RELN: variants seen among roughly 807,000 people sequenced by gnomAD.
RELN encodes reelin.
RELN carries 108 observed loss-of-function variants against 427.6 expected under a neutral mutation model. That is an observed-to-expected ratio of 0.25 (90% CI 0.22 to 0.30). RELN has a LOEUF of 0.30. RELN is among the 10% of genes least tolerant of loss of function. RELN has a pLI of 1.00. For synonymous variants in RELN, 1,524 were observed against 1,513.4 expected (o/e 1.01, Z -0.16); for missense variants, 3,715 against 4,302.8 (o/e 0.86, Z 3.82).
intron 4 of RELN, among the ~76,000 whole-genome samples, chr7:103,776,178 T>A (rs1394708106): frequency 1.3e-5 from 2 of 152,208 alleles, no homozygotes; most frequent in African/African-American, 4.8e-5. Context: ...TCATGTATAA[T>A]ATGATCAAAT....
rs1237046940 is a variant in RELN at position 103,611,660 on chromosome 7, T to G, written c.2846A>C (p.Lys949Thr). ...GCCGTGGTTGGTTGAGTACTCCAGC[T>G]TCACCTGGTTGTCCATGTGTGGGGT... ...KYTPHMDNQVKLEYSTNHGLT... is the reference protein window; with the variant it reads ...KYTPHMDNQVTLEYSTNHGLT... Residue 949 changes from lysine (K) to threonine (T), a missense_variant, in exon 21 of 65, where the codon AAG becomes ACG. Around this residue, in one of 4 missense-constraint regions of RELN, gnomAD observed 2,208 missense variants for 2,361.7 expected, o/e 0.93. Transcript: ENST00000428762. The G allele has an allele frequency of 6.2e-7, 1 of 1,613,894 alleles. No individual in the cohort carries two copies. Among genetic ancestry groups the G allele is most frequent in the Admixed American group, 1.7e-5 (1 of 59,988 alleles).
chr7:103,745,416 G>A (rs1285641490), intron 6 of RELN, among the ~76,000 whole-genome samples: 1 of 150,310 alleles, frequency 6.7e-6, no homozygotes, highest in African/African-American at 2.5e-5. Context: ...TTCTGGCCAG[G>A]GCAATTAGGC....
At chr7:103,488,598 C>G (rs1828529858) in intron 60 of RELN, among the ~76,000 whole-genome samples, 1 of 152,182 alleles carries the variant, frequency 6.6e-6, no homozygotes. Context: ...CTAAATAGAT[C>G]CGACTCCAGA....
Position 103,569,434 on chromosome 7 carries a change from A to G in RELN, c.4589-2675T>C, listed in dbSNP as rs898644670. On this transcript the variant is annotated intron_variant, in intron 31 of 64. Transcript: ENST00000428762. The surrounding 1 kb of genome is among the most constrained non-coding windows in gnomAD (Gnocchi z 4.0). Reference sequence around the variant, plus strand: ...TCCTGACTCACAGAAACTGTAAGATAACAAATATTTGATGTCTTAAGCTAC... The same window carrying G: ...TCCTGACTCACAGAAACTGTAAGATGACAAATATTTGATGTCTTAAGCTAC... 5.9e-5 allele frequency among the ~76,000 whole-genome samples: 9 copies of G among 152,244 alleles called. No individual in the cohort carries two copies. Among genetic ancestry groups the G allele is most frequent in the South Asian group, 2.1e-4 (1 of 4,828 alleles).
rs915520628 is a variant in RELN, at chr7:103,661,421, T to C, written c.1396A>G (p.Met466Val). The stretch of plus-strand genomic sequence containing the variant: ...AGGTTCCCATAACCGGTAGTGTCCA[T>C]GGATGGAGTGCATAATTTCCTCTCT... ...DGERKLCTPS[M>V]DTTGYGNLRF... Residue 466 changes from methionine to valine, a missense_variant, in exon 12 of 65, where the codon ATG becomes GTG. Transcript: ENST00000428762. 3 of 1,613,628 alleles carry C rather than the reference T, an allele frequency of 1.9e-6. No homozygotes were observed. Among genetic ancestry groups the C allele is most frequent in the South Asian group, 1.1e-5 (1 of 91,074 alleles).
intron 1 of RELN, among the ~76,000 whole-genome samples, chr7:103,984,489 T>C (rs1797057380): frequency 6.6e-6 from 1 of 152,162 alleles, no homozygotes; most frequent in South Asian, 2.1e-4. Flanking sequence ...CAAAATGAAA[T>C]ATTTTGAACT....
chr7:103,895,896 A>C (rs1324598998), intron 2 of RELN, among the ~76,000 whole-genome samples: 1 of 152,156 alleles, frequency 6.6e-6, no homozygotes, highest in Non-Finnish European at 1.5e-5. Flanking sequence ...TGGAGAAAAA[A>C]GAATAGGCAA....
rs150793108 is a variant in RELN, at chr7:103,550,773, C to T, written c.6302+294G>A. On this transcript the variant is annotated intron_variant, in intron 41 of 64. Coordinates refer to ENST00000428762, the MANE Select transcript of RELN (RefSeq NM_005045.4). Reference sequence around the variant, plus strand: ...CAGGTGGGAGTAGGCAGGAGGAACGCGTGGAAAACCTTATTTTTGTTGTGT... The same window carrying T: ...CAGGTGGGAGTAGGCAGGAGGAACGTGTGGAAAACCTTATTTTTGTTGTGT... 2.0e-3 allele frequency among the ~76,000 whole-genome samples: 306 copies of T among 152,024 alleles called. 2 individuals are homozygous for T. Among genetic ancestry groups the T allele is most frequent in the African/African-American group, 6.9e-3 (288 of 41,470 alleles).
chr7:103,524,867 T>C (rs1482920633), intron 46 of RELN, among the ~76,000 whole-genome samples: 4 of 152,130 alleles, frequency 2.6e-5, no homozygotes, highest in African/African-American at 9.7e-5. Flanking sequence ...CTTTGGCATG[T>C]TCCCCCAGCA....
At chr7:103,556,012 C>T (rs1830512813) in intron 38 of RELN, among the ~76,000 whole-genome samples, 1 of 152,142 alleles carries the variant, frequency 6.6e-6, no homozygotes, top group African/African-American at 2.4e-5. Flanking sequence ...TTGGTAAAGT[C>T]TGGTCCTTTA....
intron 2 of RELN, among the ~76,000 whole-genome samples, chr7:103,897,710 A>C (rs999450399): frequency 6.6e-6 from 1 of 152,072 alleles, no homozygotes; most frequent in Non-Finnish European, 1.5e-5. Context: ...TTCTGCACAC[A>C]GACTCCTTCA....
intron 51 of RELN, among the ~76,000 whole-genome samples, chr7:103,504,865 G>A (rs1252839622): frequency 6.6e-6 from 1 of 152,164 alleles, no homozygotes; most frequent in Non-Finnish European, 1.5e-5. Flanking sequence ...GTCTGAGGTC[G>A]AACTGGGATG....
chr7:103,970,348 T>C (rs1270891156), intron 1 of RELN, among the ~76,000 whole-genome samples: 1 of 152,142 alleles, frequency 6.6e-6, no homozygotes, highest in East Asian at 1.9e-4. Flanking sequence ...TTCACCACTT[T>C]GGCCAGGCTG....
At chr7:103,651,427 CA>C (rs1723616937) in intron 15 of RELN, among the ~76,000 whole-genome samples, 1 of 151,982 alleles carries the variant, frequency 6.6e-6, no homozygotes, top group Non-Finnish European at 1.5e-5. Flanking sequence ...TCATGCAGTC[CA>C]AAATATAAGT....
intron 1 of RELN, among the ~76,000 whole-genome samples, chr7:103,966,943 C>G (rs1420747847): frequency 1.3e-5 from 2 of 152,218 alleles, no homozygotes; most frequent in African/African-American, 4.8e-5. Context: ...ACTGATGAGT[C>G]TACCTTTTTC....
Position 103,603,424 on chromosome 7 carries a change from T to C in RELN, c.3213A>G (p.Ser1071=). The C allele has an allele frequency of 6.2e-7, 1 of 1,613,924 alleles. No homozygotes were observed. Among genetic ancestry groups the C allele is most frequent in the Non-Finnish European group, 8.5e-7 (1 of 1,179,858 alleles). The change falls in exon 24 of 65, where the codon TCA becomes TCG. Residue 1071 remains serine, a synonymous_variant. Transcript: ENST00000428762. This position sits in a 1 kb window ranked among gnomAD's most constrained non-coding sequence, Gnocchi z 4.3. ...CCCAGCCATTCTGGTTCTCAAAATC[T>C]GACATAATTGTGGACGGAAGGGCAG... ...PEAALPSTIM[S]DFENQNGWES... is the part of the protein sequence containing the mutation.
At chr7:103,846,164 T>C (rs1793671578) in intron 2 of RELN, among the ~76,000 whole-genome samples, 1 of 152,202 alleles carries the variant, frequency 6.6e-6, no homozygotes, top group Non-Finnish European at 1.5e-5. Context: ...GGCATCATGC[T>C]ACCTGACTTC....
intron 19 of RELN, among the ~76,000 whole-genome samples, chr7:103,630,843 AT>A (rs1400339253): frequency 1.1e-5 from 1 of 94,214 alleles, no homozygotes; most frequent in African/African-American, 4.9e-5. Context: ...GGGCTGAGTT[AT>A]TTTTTTGTTT....
At chr7:103,794,882 A>C (rs1792261150) in intron 3 of RELN, among the ~76,000 whole-genome samples, 1 of 152,166 alleles carries the variant, frequency 6.6e-6, no homozygotes, top group Non-Finnish European at 1.5e-5. Context: ...CTGATTCAGA[A>C]ACCCTGGTAT....
Sources: gnomAD v4.1 joint callset for allele counts (sites outside exome capture counted in the v4.1 genomes callset) on GRCh38, gnomAD v4.1.1 for gene constraint, gnomAD v4.1.1 regional missense constraint, Gnocchi (gnomAD v3.1) non-coding constraint, MANE v1.5 for transcripts, NCBI Gene and HGNC (gene_info 2026-07-23, HGNC 2026-07-21) for gene names.